The following SLC25A48 variants were observed in gnomAD, a reference collection of about 807,000 sequenced individuals.
SLC25A48 encodes the protein solute carrier family 25 member 48, also known as CTC-321K16.1.
In SLC25A48, 29 loss-of-function variants were observed where a neutral mutation model predicts 32.2. The observed-to-expected ratio is 0.90, with a 90% confidence interval of 0.67 to 1.23. The LOEUF (loss-of-function observed/expected upper bound fraction) is 1.23, where lower values mean the gene tolerates loss of function less well. Ranked by LOEUF, SLC25A48 falls within the 50% of genes most tolerant of loss-of-function variation. SLC25A48 has a pLI of 0.00. For synonymous variants in SLC25A48, 164 were observed against 172.3 expected, an observed-to-expected ratio of 0.95 and a Z score of 0.38; for missense variants, 399 against 422.7, an observed-to-expected ratio of 0.94 and a Z score of 0.49.
At chr5:135,867,507 C>A (rs1761295887) in intron 4 of SLC25A48, among the ~76,000 whole-genome samples, 1 of 152,130 alleles carries the variant, frequency 6.6e-6, no homozygotes, top group African/African-American at 2.4e-5. Context: ...CCTGGCAACC[C>A]CCCGGCTCTG....
Position 135,785,256 on chromosome 5 carries a change from G to A in SLC25A48, c.-520-27267G>A, listed in dbSNP as rs138987818. 4.4e-4 allele frequency among the ~76,000 whole-genome samples: 67 copies of A among 152,172 alleles called. No homozygotes were observed. The East Asian group carries it at 0.011, about 24-fold the overall frequency. On this transcript the variant is annotated intron_variant, in intron 3 of 10. Coordinates refer to the SLC25A48 transcript ENST00000646290. ...GATCGTAATGTCCGGGTGGGGAGAT[G>A]GTGATATTATTCCCCATGGAACGGG...
intron 4 of SLC25A48, among the ~76,000 whole-genome samples, chr5:135,828,713 C>T (rs1262663661): frequency 2.0e-5 from 3 of 152,240 alleles, no homozygotes; most frequent in African/African-American, 7.2e-5. Flanking sequence ...AGAGCAGCAG[C>T]AGGACTGAGG....
At chr5:135,589,940 C>G (rs1751471905) in intron 1 of SLC25A48, among the ~76,000 whole-genome samples, 1 of 152,202 alleles carries the variant, frequency 6.6e-6, no homozygotes, top group Non-Finnish European at 1.5e-5. Flanking sequence ...AGGTGATCCA[C>G]CCACCTCAGC....
At chr5:135,611,316 C>T (rs1254106010) in intron 1 of SLC25A48, among the ~76,000 whole-genome samples, 1 of 151,466 alleles carries the variant, frequency 6.6e-6, no homozygotes, top group Non-Finnish European at 1.5e-5. Context: ...TCAAGACCAG[C>T]CTGGCCAACA....
chr5:135,799,764 G>A (rs1008138655), intron 3 of SLC25A48, among the ~76,000 whole-genome samples: 2 of 151,694 alleles, frequency 1.3e-5, no homozygotes, highest in African/African-American at 4.8e-5. Context: ...CGCAGGGAGT[G>A]TTCATCCCCA....
intron 3 of SLC25A48, among the ~76,000 whole-genome samples, chr5:135,666,532 C>A (rs577827164): frequency 6.6e-6 from 1 of 152,076 alleles, no homozygotes; most frequent in Non-Finnish European, 1.5e-5. Context: ...TTGGGGGGAA[C>A]TTCTAGAAAC....
chr5:135,765,792 T>C (rs10900834), intron 3 of SLC25A48, among the ~76,000 whole-genome samples: 107,239 of 151,256 alleles, frequency 0.71, 39,468 homozygotes, highest in Middle Eastern at 0.83. Flanking sequence ...GATATTACTC[T>C]CCATATTGCA....
At chr5:135,842,773 T>A (rs1292446708) in intron 2 of SLC25A48, among the ~76,000 whole-genome samples, 2 of 152,206 alleles carry the variant, frequency 1.3e-5, no homozygotes, top group Admixed American at 6.5e-5. Flanking sequence ...TTCTGGGATG[T>A]TCCCTAGAAA....
At chr5:135,772,209 CAA>C in intron 3 of SLC25A48, among the ~76,000 whole-genome samples, 1 of 151,586 alleles carries the variant, frequency 6.6e-6, no homozygotes, top group African/African-American at 2.4e-5. Context: ...ACTTTACTCC[CAA>C]TATCGCAGGG....
At chr5:135,643,871 T>C (rs1381308918) in intron 3 of SLC25A48, among the ~76,000 whole-genome samples, 1 of 152,162 alleles carries the variant, frequency 6.6e-6, no homozygotes, top group East Asian at 1.9e-4. Context: ...AGCGCTATGA[T>C]TATCATCTTA....
chr5:135,794,617 G>C (rs115942120), intron 3 of SLC25A48, among the ~76,000 whole-genome samples: 1 of 151,608 alleles, frequency 6.6e-6, no homozygotes, highest in African/African-American at 2.4e-5. Flanking sequence ...TATTTAGGTG[G>C]AGAGAGAATA....
At chr5:135,614,229 T>C (rs1752137241) in intron 1 of SLC25A48, among the ~76,000 whole-genome samples, 1 of 152,186 alleles carries the variant, frequency 6.6e-6, no homozygotes, top group African/African-American at 2.4e-5. Flanking sequence ...TCTTGATTTC[T>C]TTCTTAGCTA....
chr5:135,791,067 T>G (rs992748128), intron 3 of SLC25A48, among the ~76,000 whole-genome samples: 4 of 150,702 alleles, frequency 2.7e-5, no homozygotes, highest in Non-Finnish European at 1.5e-5. Context: ...CTTTGTAATA[T>G]TTTAGGGAGA....
chr5:135,818,410 A>G (rs1227075783), intron 4 of SLC25A48, among the ~76,000 whole-genome samples: 2 of 152,202 alleles, frequency 1.3e-5, no homozygotes, highest in Admixed American at 1.3e-4. Context: ...AAAAGCCTTC[A>G]GAAAGAACCC....
intron 3 of SLC25A48, among the ~76,000 whole-genome samples, chr5:135,732,460 A>G (rs1755249068): frequency 2.0e-5 from 3 of 152,224 alleles, no homozygotes; most frequent in Middle Eastern, 6.8e-3. Context: ...GACCCAAGGC[A>G]TGTGAGTAAA....
intron 3 of SLC25A48, among the ~76,000 whole-genome samples, chr5:135,659,640 A>G (rs1467339601): frequency 6.6e-6 from 1 of 152,206 alleles, no homozygotes; most frequent in Admixed American, 6.6e-5. Context: ...ACTGCTGTAA[A>G]TAACTACCTG....
intron 3 of SLC25A48, among the ~76,000 whole-genome samples, chr5:135,719,550 A>ATT (rs1754897582): frequency 6.6e-6 from 1 of 152,152 alleles, no homozygotes; most frequent in Admixed American, 6.5e-5. Context: ...GAGGGAAGGC[A>ATT]CCCTCATGCT....
chr5:135,836,786 A>G (rs914936986), intron 1 of SLC25A48, among the ~76,000 whole-genome samples: 13 of 152,298 alleles, frequency 8.5e-5, no homozygotes, highest in South Asian at 2.1e-4. Context: ...TATTTTACAG[A>G]TGAGGAAACT....
intron 1 of SLC25A48, among the ~76,000 whole-genome samples, chr5:135,603,900 C>T (rs888534971): frequency 6.6e-6 from 1 of 151,898 alleles, no homozygotes; most frequent in African/African-American, 2.4e-5. Flanking sequence ...TCTCTAACCT[C>T]TACCGGGATC....
Sources: gnomAD v4.1 joint callset for allele counts (sites outside exome capture counted in the v4.1 genomes callset) on GRCh38, gnomAD v4.1.1 for gene constraint, MANE v1.5 for transcripts, NCBI Gene and HGNC (gene_info 2026-07-23, HGNC 2026-07-21) for gene names.